Variants in PRKCG observed in about 807,000 individuals in gnomAD.
PRKCG encodes the protein protein kinase C gamma type.
Under a neutral mutation model 82.0 loss-of-function variants are expected in PRKCG, and 28 were observed. The ratio of observed to expected loss-of-function variants is 0.34; its 90% CI spans 0.25 to 0.47. The LOEUF (loss-of-function observed/expected upper bound fraction) is 0.47. Ranked by LOEUF, PRKCG falls within the 20% of genes least tolerant of loss-of-function variation. The pLI, the probability that PRKCG is intolerant of heterozygous loss-of-function variation, is 1.00. For missense variants in PRKCG, 640 were observed against 952.7 expected (o/e 0.67, Z 4.32); for synonymous variants, 383 against 376.6 (o/e 1.02, Z -0.20).
chr19:53,891,650 C>T (rs758013337), intron 5 of PRKCG, 24 bp from the exon 6 acceptor site: 1 of 1,613,250 alleles, frequency 6.2e-7, no homozygotes, highest in Non-Finnish European at 8.5e-7. Context: ...TAACCCGTCA[C>T]ACTCTTCCTC....
Position 53,892,752 on chromosome 19 carries a change from G to GCACACACA in PRKCG, c.821+131_821+138dup, listed in dbSNP as rs762529486. 1.0e-5 allele frequency: 11 copies of GCACACACA among 1,097,874 alleles called. No individual in the cohort carries two copies. Among genetic ancestry groups the GCACACACA allele is most frequent in the African/African-American group, 3.3e-5 (2 of 59,714 alleles). 68.0% of individuals were successfully genotyped at this position (1,097,874 alleles called of 1,614,324 possible). ...TCCTTCCCTCTGCCTCCCAGCATGC[G>GCACACACA]CACACACACACACACACACACACAC... On this transcript the variant is annotated intron_variant, in intron 7 of 17. Transcript: ENST00000263431. This position sits in a 1 kb window ranked among gnomAD's most constrained non-coding sequence, Gnocchi z 5.9.
chr19:53,901,041 C>T (rs2068759684), intron 14 of PRKCG, among the ~76,000 whole-genome samples: 1 of 152,182 alleles, frequency 6.6e-6, no homozygotes, highest in African/African-American at 2.4e-5. Context: ...GACCCTGGAT[C>T]CTTCTGAGAA....
rs2068686654 is a variant in PRKCG, at chr19:53,892,746, G to A, written c.821+103G>A. On this transcript the variant is annotated intron_variant, in intron 7 of 17. Coordinates refer to ENST00000263431, the MANE Select transcript of PRKCG (RefSeq NM_002739.5). The surrounding 1 kb of genome is among the most constrained non-coding windows in gnomAD (Gnocchi z 5.9). Reference sequence around the variant, plus strand: ...CCACTGTCCTTCCCTCTGCCTCCCAGCATGCGCACACACACACACACACAC... The same window carrying A: ...CCACTGTCCTTCCCTCTGCCTCCCAACATGCGCACACACACACACACACAC... The A allele has an allele frequency of 2.0e-5, 27 of 1,363,318 alleles. No homozygotes were observed. The South Asian group carries it at 3.5e-4, about 18-fold the overall frequency. 84.5% of individuals were successfully genotyped at this position (1,363,318 alleles called of 1,614,324 possible).
At chr19:53,881,639 G>A (rs1237949355), upstream of PRKCG, 1 of 151,964 alleles carries the variant, frequency 6.6e-6, no homozygotes, top group East Asian at 1.9e-4. Context: ...GAAATAGAAA[G>A]AAATAGAAAC....
intron 3 of PRKCG, among the ~76,000 whole-genome samples, chr19:53,886,074 A>G (rs1204228315): frequency 6.6e-6 from 1 of 151,280 alleles, no homozygotes; most frequent in Non-Finnish European, 1.5e-5. Context: ...AAAAAAAAAA[A>G]AAGATTTTTT....
chr19:53,903,023 T>TA, intron 14 of PRKCG, 50 bp from the exon 15 acceptor site: 3 of 1,461,588 alleles, frequency 2.1e-6, no homozygotes, highest in Non-Finnish European at 1.9e-6. Flanking sequence ...AGAGGGGTCC[T>TA]AGGCTTCCTA....
rs1468404543 is a variant in PRKCG, at chr19:53,900,518, G to A, written c.1436+37G>A. On this transcript the variant is annotated intron_variant, in intron 13 of 17. Transcript: ENST00000263431. The surrounding 1 kb of genome is among the most constrained non-coding windows in gnomAD (Gnocchi z 4.2). ...CAGGAATTTCCGTGGAGGAAATCACGCCCCTGGAAGGGAAGGGATTTGAAT... is the reference window on the plus strand; with the variant it reads ...CAGGAATTTCCGTGGAGGAAATCACACCCCTGGAAGGGAAGGGATTTGAAT... 8 of 1,613,874 alleles carry A rather than the reference G, an allele frequency of 5.0e-6. No individual in the cohort carries two copies. Among genetic ancestry groups the A allele is most frequent in the African/African-American group, 4.0e-5 (3 of 74,902 alleles).
At chr19:53,890,318 G>A (rs545957938) in intron 5 of PRKCG, among the ~76,000 whole-genome samples, 3 of 151,992 alleles carry the variant, frequency 2.0e-5, no homozygotes, top group Admixed American at 6.5e-5. Context: ...GTGCAATGGC[G>A]CGATCTCGGC....
In PRKCG at chr19:53,907,537, C is replaced by T. The variant is rs2068824521; in HGVS notation, c.*642C>T. 6.4e-6 allele frequency: 1 copy of T among 156,662 alleles called. No individual in the cohort carries two copies. The highest frequency in any genetic ancestry group is 2.4e-5 in the African/African-American group (1 of 41,462). The allele number at this position is 156,662 out of a possible 1,614,324, so 9.7% of individuals were successfully genotyped here. A position where few individuals can be genotyped will look rare whatever the true frequency, so the allele number is the denominator to read the frequency against. On this transcript the variant is annotated 3_prime_UTR_variant, in exon 18 of 18. Coordinates refer to ENST00000263431, the MANE Select transcript of PRKCG (RefSeq NM_002739.5). ...GGCTCCTGTCTGGCTCGGACCCACC[C>T]CAACTCTCCCCAGTGCCTGCCACTC...
Position 53,891,844 on chromosome 19 carries a change from G to T in PRKCG, c.686+14G>T, listed in dbSNP as rs3745405. 651,651 of 1,613,054 alleles carry T rather than the reference G, an allele frequency of 0.4. 133,601 individuals are homozygous for T. Among genetic ancestry groups the T allele is most frequent in the Admixed American group, 0.45 (26,920 of 59,920 alleles). On this transcript the variant is annotated intron_variant, in intron 6 of 17. Coordinates refer to ENST00000263431, the MANE Select transcript of PRKCG (RefSeq NM_002739.5). ...GACCTTTGTGTTGTGAGTCTGGGGT[G>T]CAGGGAAGGCAATGACAGCTGACAG...
At position 53,884,056 on chromosome 19, in the gene PRKCG, C is replaced by T. The variant is rs1182358721; in HGVS notation, c.203-105C>T. ...TTGAGATCCCTCTCTTTCTGGTTTTCTCAGTGTCCGAGTTCCGCTCTCTCT... is the reference window on the plus strand; with the variant it reads ...TTGAGATCCCTCTCTTTCTGGTTTTTTCAGTGTCCGAGTTCCGCTCTCTCT... On this transcript the variant is annotated intron_variant, in intron 2 of 17. Transcript: ENST00000263431. This position sits in a 1 kb window ranked among gnomAD's most constrained non-coding sequence, Gnocchi z 4.6. 9.1e-7 allele frequency: 1 copy of T among 1,102,316 alleles called. No individual in the cohort carries two copies. The highest frequency in any genetic ancestry group is 1.4e-6 in the Non-Finnish European group (1 of 730,386). 68.3% of individuals were successfully genotyped at this position (1,102,316 alleles called of 1,614,324 possible). A position where few individuals can be genotyped will look rare whatever the true frequency, so the allele number is the denominator to read the frequency against.
chr19:53,882,183 A>C (rs307942), upstream of PRKCG: 373,564 of 384,370 alleles, frequency 0.97, 181,592 homozygotes, highest in East Asian at 1. The surrounding 1 kb of genome is among the most constrained non-coding windows in gnomAD (Gnocchi z 6.1). Flanking sequence ...CGCCTCCCCC[A>C]ACCCGGGGCT....
chr19:53,883,127 C>T lies in PRKCG; in HGVS notation c.171-36C>T. On this transcript the variant is annotated intron_variant, in intron 1 of 17. Transcript: ENST00000263431. The surrounding 1 kb of genome is among the most constrained non-coding windows in gnomAD (Gnocchi z 5.4). ...GCAGAGGTTGGGGGTCCAGGTACCC[C>T]TTTCTGCACTGACCTAGGATCCCTG... 1.2e-6 allele frequency: 2 copies of T among 1,613,780 alleles called. No individual in the cohort carries two copies. Among genetic ancestry groups the T allele is most frequent in the Non-Finnish European group, 8.5e-7 (1 of 1,179,810 alleles).
chr19:53,883,165 G>T lies in PRKCG; in HGVS notation c.173G>T (p.Gly58Val), dbSNP rs1057519215. 6.2e-7 allele frequency: 1 copy of T among 1,614,056 alleles called. No individual in the cohort carries two copies. The highest frequency in any genetic ancestry group is 8.5e-7 in the Non-Finnish European group (1 of 1,179,980). Residue 58 changes from glycine to valine, a missense_variant and splice_region_variant, in exon 2 of 18, where the codon GGT becomes GTT. By Grantham distance (109) the Gly-to-Val change is moderately radical. This residue lies in a region of PRKCG where 50 missense variants were observed against 146.5 expected (regional missense o/e 0.34). Coordinates refer to ENST00000263431, the MANE Select transcript of PRKCG (RefSeq NM_002739.5). The surrounding 1 kb of genome is among the most constrained non-coding windows in gnomAD (Gnocchi z 5.4). ...FCSHCTDFIW[G>V]IGKQGLQCQV... ...CCTAGGATCCCTGACTCTTCCAGGG[G>T]TATCGGAAAGCAGGGCCTGCAATGT...
At chr19:53,893,116 C>A (rs2068692209) in intron 8 of PRKCG, 41 bp downstream of exon 8, 3 of 1,572,608 alleles carry the variant, frequency 1.9e-6, no homozygotes, top group Non-Finnish European at 1.7e-6. Flanking sequence ...CCAGCCCAGC[C>A]TCCCACGGTT....
intron 9 of PRKCG, among the ~76,000 whole-genome samples, chr19:53,894,921 G>A (rs1219229709): frequency 6.6e-6 from 1 of 152,144 alleles, no homozygotes; most frequent in Non-Finnish European, 1.5e-5. Flanking sequence ...TCAGGCACTG[G>A]GGCGTCCCTG....
Position 53,900,224 on chromosome 19 carries a change from T to C in PRKCG, c.1282-9T>C. The C allele has an allele frequency of 6.2e-7, 1 of 1,613,246 alleles. No individual in the cohort carries two copies. The highest frequency in any genetic ancestry group is 1.1e-5 in the South Asian group (1 of 91,054). ...GATCCCGCCTCTAAGCCCATGCACTTCTCCGCAGGACCGCCTGTATTTCGT... is the reference window on the plus strand; with the variant it reads ...GATCCCGCCTCTAAGCCCATGCACTCCTCCGCAGGACCGCCTGTATTTCGT... On this transcript the variant is annotated splice_polypyrimidine_tract_variant and intron_variant, in intron 11 of 17. Transcript: ENST00000263431. This position sits in a 1 kb window ranked among gnomAD's most constrained non-coding sequence, Gnocchi z 4.2.
At position 53,900,228 on chromosome 19, in the gene PRKCG, C is replaced by T. The variant is rs1425917007; in HGVS notation, c.1282-5C>T. 6.2e-6 allele frequency: 10 copies of T among 1,613,668 alleles called. No homozygotes were observed. Among genetic ancestry groups the T allele is most frequent in the South Asian group, 2.2e-5 (2 of 91,070 alleles). ...CCGCCTCTAAGCCCATGCACTTCTC[C>T]GCAGGACCGCCTGTATTTCGTGATG... On this transcript the variant is annotated splice_polypyrimidine_tract_variant and splice_region_variant and intron_variant, in intron 11 of 17. Coordinates refer to ENST00000263431, the MANE Select transcript of PRKCG (RefSeq NM_002739.5). The surrounding 1 kb of genome is among the most constrained non-coding windows in gnomAD (Gnocchi z 4.2).
chr19:53,904,789 C>T, intron 16 of PRKCG, 47 bp downstream of exon 16: 1 of 1,451,140 alleles, frequency 6.9e-7, no homozygotes, highest in Non-Finnish European at 9.6e-7. Flanking sequence ...CAACCACACA[C>T]CCCATTGCTG....
Sources: allele counts gnomAD v4.1 joint callset (sites outside exome capture counted in the v4.1 genomes callset), GRCh38; gene constraint gnomAD v4.1.1; regional missense constraint gnomAD v4.1.1; non-coding constraint Gnocchi (gnomAD v3.1); transcripts MANE v1.5; gene names NCBI Gene and HGNC (gene_info 2026-07-23, HGNC 2026-07-21).